XIRP2: variants seen among roughly 807,000 people sequenced by gnomAD.
The protein encoded by XIRP2 is xin actin-binding repeat-containing protein 2.
In XIRP2, 236 loss-of-function variants were observed where a neutral mutation model predicts 277.0. The observed-to-expected ratio is 0.85, with a 90% CI of 0.77 to 0.95. The LOEUF is 0.95. Among genes scored for constraint, XIRP2 ranks in the 40% least tolerant of loss-of-function variants. The probability of loss-of-function intolerance (pLI) is 0.00; values close to 1 mark genes in which losing one functional copy is unlikely to be tolerated. For missense variants in XIRP2, 4,640 were observed against 4,157.5 expected (o/e 1.12, Z -3.19); for synonymous variants, 1,490 against 1,416.5 (o/e 1.05, Z -1.17).
At chr2:167,126,425 A>G (rs1294119264) in intron 2 of XIRP2, among the ~76,000 whole-genome samples, 1 of 152,176 alleles carries the variant, frequency 6.6e-6, no homozygotes, top group Non-Finnish European at 1.5e-5. Context: ...GAGGAGAAAT[A>G]GCCTCACTTC....
At chr2:167,236,964 T>C (rs557874049) in intron 5 of XIRP2, among the ~76,000 whole-genome samples, 91 of 152,238 alleles carry the variant, frequency 6.0e-4, no homozygotes, top group African/African-American at 2.1e-3. Context: ...TATGCAACAG[T>C]AAATGGTAGA....
chr2:167,204,507 T>C (rs139946042), intron 3 of XIRP2, among the ~76,000 whole-genome samples: 2 of 152,200 alleles, frequency 1.3e-5, no homozygotes, highest in African/African-American at 4.8e-5. Flanking sequence ...ACTCACCCAC[T>C]GTCTGAACTG....
intron 2 of XIRP2, among the ~76,000 whole-genome samples, chr2:166,969,813 C>A (rs1211343799): frequency 6.6e-6 from 1 of 151,480 alleles, no homozygotes; most frequent in African/African-American, 2.4e-5. Context: ...ATGTTAAATG[C>A]AAAAGGTTAG....
chr2:166,972,780 G>A (rs767847083), intron 2 of XIRP2, among the ~76,000 whole-genome samples: 4 of 152,202 alleles, frequency 2.6e-5, no homozygotes, highest in Non-Finnish European at 5.9e-5. Context: ...TCTCCAGGGG[G>A]CTGTTTTAAT....
chr2:167,098,709 C>T (rs1380710188), intron 2 of XIRP2, among the ~76,000 whole-genome samples: 1 of 152,134 alleles, frequency 6.6e-6, no homozygotes, highest in Non-Finnish European at 1.5e-5. Context: ...CTGTTGGTGA[C>T]CTTCAGATGG....
chr2:167,239,934 T>A lies in XIRP2; in HGVS notation c.938T>A (p.Val313Glu). The A allele has an allele frequency of 6.2e-7, 1 of 1,604,594 alleles. No individual in the cohort carries two copies. The highest frequency in any genetic ancestry group is 1.7e-4 in the Middle Eastern group (1 of 6,024). ...MARNEQEGSK[V>E]QKIDVHGTEM... Reference sequence around the variant, plus strand: ...AGAAATGAACAAGAAGGGTCCAAAGTACAGAAAATTGATGTTCATGGAACA... The same window carrying A: ...AGAAATGAACAAGAAGGGTCCAAAGAACAGAAAATTGATGTTCATGGAACA... Residue 313 changes from valine to glutamate, a missense_variant, in exon 6 of 11, where the codon GTA (valine) becomes GAA (glutamate). Transcript: ENST00000409195.
intron 2 of XIRP2, among the ~76,000 whole-genome samples, chr2:167,030,215 C>A (rs1489881839): frequency 6.6e-6 from 1 of 152,036 alleles, no homozygotes; most frequent in Non-Finnish European, 1.5e-5. Context: ...CTATCTCATT[C>A]AGTTCTGCTC....
At chr2:167,084,711 T>A (rs1457681745) in intron 2 of XIRP2, among the ~76,000 whole-genome samples, 2 of 152,024 alleles carry the variant, frequency 1.3e-5, no homozygotes, top group African/African-American at 4.8e-5. Context: ...TCTGCTAGAT[T>A]TTCTAGTTTA....
At chr2:167,035,465 C>T (rs1028409556) in intron 2 of XIRP2, among the ~76,000 whole-genome samples, 8 of 152,164 alleles carry the variant, frequency 5.3e-5, no homozygotes, top group Non-Finnish European at 1.2e-4. Flanking sequence ...AGACTGGAGG[C>T]ATTTTGCCCC....
In XIRP2 at chr2:167,248,282, C is replaced by T; in HGVS notation, c.6890C>T (p.Pro2297Leu). ...CTTCCACCTCCATCTCCACCTCCTC[C>T]ACCACCTTCTAATGCATCATCTGAA... The part of the protein sequence containing the change: ...CPLPPPSPPP[P>L]PPSNASSEIE... The change falls in exon 9 of 11, where the codon CCA (proline) becomes CTA (leucine). Residue 2297 changes from proline to leucine, a missense_variant. Transcript: ENST00000409195. 1 of 1,613,752 alleles carries T rather than the reference C, an allele frequency of 6.2e-7. No individual in the cohort carries two copies. Among genetic ancestry groups the T allele is most frequent in the Non-Finnish European group, 8.5e-7 (1 of 1,179,832 alleles).
chr2:167,253,589 T>A (rs1695575898), intron 9 of XIRP2, among the ~76,000 whole-genome samples: 1 of 151,786 alleles, frequency 6.6e-6, no homozygotes, highest in Admixed American at 6.6e-5. Flanking sequence ...TAAAAACTTT[T>A]GACCAGCTTA....
At chr2:167,074,621 T>C (rs1689513645) in intron 2 of XIRP2, among the ~76,000 whole-genome samples, 2 of 143,716 alleles carry the variant, frequency 1.4e-5, no homozygotes, top group Non-Finnish European at 3.0e-5. Flanking sequence ...TGTGTGTGTG[T>C]GCATGTGTGT....
rs1695178059 is a variant in XIRP2 at position 167,244,370 on chromosome 2, A to C, written c.2978A>C (p.Asp993Ala). 6.2e-7 allele frequency: 1 copy of C among 1,613,514 alleles called. No individual in the cohort carries two copies. Among genetic ancestry groups the C allele is most frequent in the East Asian group, 2.2e-5 (1 of 44,844 alleles). The change falls in exon 9 of 11, where the codon GAT becomes GCT. Residue 993 changes from aspartate to alanine, a missense_variant. Coordinates refer to ENST00000409195, the MANE Select transcript of XIRP2 (RefSeq NM_152381.6). ...FETTPLYAIQ[D>A]PLGKYHQVKT... ...ACAACACCACTGTATGCCATTCAAG[A>C]TCCCCTTGGAAAATATCATCAAGTA...
chr2:167,001,379 G>A lies in XIRP2; in HGVS notation c.408+97489G>A, dbSNP rs534630178. The stretch of plus-strand genomic sequence containing the variant: ...ATTCAGATTCTGAGTTAGGATAAAC[G>A]CTAGGGATCATATTGAATAAGCAGA... On this transcript the variant is annotated intron_variant, in intron 2 of 10. Coordinates refer to ENST00000409195, the MANE Select transcript of XIRP2 (RefSeq NM_152381.6). Among the ~76,000 whole-genome samples the A allele has an allele frequency of 5.9e-5, 9 of 152,204 alleles. No individual in the cohort carries two copies. In the South Asian group the frequency reaches 1.7e-3, roughly 28 times the overall value.
At chr2:166,930,800 A>G (rs1444991050) in intron 2 of XIRP2, among the ~76,000 whole-genome samples, 2 of 152,102 alleles carry the variant, frequency 1.3e-5, no homozygotes, top group Admixed American at 6.6e-5. Context: ...AGACTTTATA[A>G]ACAGAGTTGT....
intron 3 of XIRP2, among the ~76,000 whole-genome samples, chr2:167,151,822 G>A (rs1692024655): frequency 6.6e-6 from 1 of 152,062 alleles, no homozygotes; most frequent in Non-Finnish European, 1.5e-5. Context: ...GTGCATGGTT[G>A]TTGCTATGGG....
chr2:166,909,509 AT>A, intron 2 of XIRP2, among the ~76,000 whole-genome samples: 1 of 152,208 alleles, frequency 6.6e-6, no homozygotes, highest in East Asian at 1.9e-4. Context: ...GCTTAAGGAG[AT>A]TTTGGGCTGA....
At chr2:167,256,811 G>C (rs978916460) in intron 10 of XIRP2, among the ~76,000 whole-genome samples, 4 of 151,834 alleles carry the variant, frequency 2.6e-5, no homozygotes, top group South Asian at 2.1e-4. Context: ...AAGGCAGCTT[G>C]ATTTCCAGAA....
chr2:167,077,661 G>C (rs902127198), intron 2 of XIRP2, among the ~76,000 whole-genome samples: 1 of 152,106 alleles, frequency 6.6e-6, no homozygotes, highest in African/African-American at 2.4e-5. Context: ...GGACACCTGG[G>C]GAAAGTATGG....
Sources: gnomAD v4.1 joint callset for allele counts (sites outside exome capture counted in the v4.1 genomes callset) on GRCh38, gnomAD v4.1.1 for gene constraint, MANE v1.5 for transcripts, NCBI Gene and HGNC (gene_info 2026-07-23, HGNC 2026-07-21) for gene names.